Variants in ABR observed in about 807,000 individuals in gnomAD.
The protein encoded by ABR is ABR activator of RhoGEF and GTPase.
ABR carries 35 observed loss-of-function variants against 107.2 expected under a neutral mutation model. That is an observed-to-expected ratio of 0.33 (90% CI 0.25 to 0.43). The LOEUF is 0.43. Ranked by LOEUF, ABR falls within the 20% of genes least tolerant of loss-of-function variation. The pLI is 1.00. For synonymous variants in ABR, 498 were observed against 462.0 expected (o/e 1.08, Z -1.00); for missense variants, 815 against 1,115.2 (o/e 0.73, Z 3.83).
At chr17:1,030,314 G>A (rs531330772) in intron 16 of ABR, among the ~76,000 whole-genome samples, 9 of 152,350 alleles carry the variant, frequency 5.9e-5, no homozygotes, top group Admixed American at 2.0e-4. Flanking sequence ...CGCTGGACCC[G>A]GAACCTGCCA....
Position 1,150,887 on chromosome 17 carries a change from C to T in ABR, c.62-25520G>A, listed in dbSNP as rs1458201274. On this transcript the variant is annotated intron_variant, in intron 1 of 22. Transcript: ENST00000302538. This position sits in a 1 kb window ranked among gnomAD's most constrained non-coding sequence, Gnocchi z 4.8. ...CCTCCCTTGCTGAGCTACTGGTGCG[C>T]GTATGTGTGCATATATATACACATG... 2.6e-5 allele frequency among the ~76,000 whole-genome samples: 4 copies of T among 152,120 alleles called. No homozygotes were observed. Among genetic ancestry groups the T allele is most frequent in the Admixed American group, 2.0e-4 (3 of 15,268 alleles).
chr17:1,146,810 C>G (rs1597969609), intron 1 of ABR, among the ~76,000 whole-genome samples: 1 of 110,088 alleles, frequency 9.1e-6, no homozygotes, highest in African/African-American at 2.9e-5. Context: ...CCACTGCCAC[C>G]AGGCCACCAC....
intron 1 of ABR, among the ~76,000 whole-genome samples, chr17:1,215,023 C>A (rs1439588822): frequency 6.6e-6 from 1 of 151,902 alleles, no homozygotes; most frequent in Admixed American, 6.6e-5. Flanking sequence ...TGTTTAAGAC[C>A]ACCCTGGGCA....
intron 2 of ABR, among the ~76,000 whole-genome samples, chr17:1,102,338 G>A (rs965888174): frequency 1.3e-5 from 2 of 152,184 alleles, no homozygotes; most frequent in African/African-American, 4.8e-5. Flanking sequence ...GGACTGCTTG[G>A]AAGATGCTAC....
At chr17:1,054,089 T>C (rs2260787) in intron 14 of ABR, among the ~76,000 whole-genome samples, 15,718 of 152,170 alleles carry the variant, frequency 0.1, 926 homozygotes, top group South Asian at 0.2. Flanking sequence ...ACTGTGTGAC[T>C]CCAGGAAGGA....
At chr17:1,151,065 C>T (rs1465416124) in intron 1 of ABR, among the ~76,000 whole-genome samples, 1 of 152,194 alleles carries the variant, frequency 6.6e-6, no homozygotes, top group East Asian at 1.9e-4. Context: ...CCACCCCTTA[C>T]CAGCTGTGTG....
chr17:1,138,488 T>C (rs375634351), intron 1 of ABR, among the ~76,000 whole-genome samples: 84 of 152,052 alleles, frequency 5.5e-4, no homozygotes, highest in African/African-American at 1.9e-3. Flanking sequence ...TGTTTTTTGT[T>C]TTTTTTAGAG....
intron 10 of ABR, among the ~76,000 whole-genome samples, chr17:1,062,523 C>A (rs2034119635): frequency 8.0e-6 from 1 of 125,344 alleles, no homozygotes; most frequent in Non-Finnish European, 1.7e-5. Flanking sequence ...TATGCATGTT[C>A]CTCTAGACAC....
intron 3 of ABR, among the ~76,000 whole-genome samples, chr17:1,098,206 G>A (rs1317654085): frequency 6.6e-6 from 1 of 151,952 alleles, no homozygotes; most frequent in Non-Finnish European, 1.5e-5. Context: ...CCGAGTGGCT[G>A]GGACTACAGG....
intron 16 of ABR, among the ~76,000 whole-genome samples, chr17:1,031,362 C>A (rs1009227002): frequency 1.3e-5 from 2 of 152,218 alleles, no homozygotes; most frequent in Non-Finnish European, 2.9e-5. Context: ...AGAAACCTCC[C>A]TTCTCCCGAG....
chr17:1,095,068 A>G (rs1179599495), intron 3 of ABR, among the ~76,000 whole-genome samples: 1 of 152,160 alleles, frequency 6.6e-6, no homozygotes, highest in Non-Finnish European at 1.5e-5. Context: ...CAGAGTCGCC[A>G]CAGAATCCCC....
chr17:1,212,355 C>T (rs969227618), intron 1 of ABR, among the ~76,000 whole-genome samples: 2 of 151,986 alleles, frequency 1.3e-5, no homozygotes, highest in Non-Finnish European at 2.9e-5. Flanking sequence ...CGCTTGAGCA[C>T]AGGAGTTTGA....
chr17:1,103,958 G>A (rs888171618), intron 2 of ABR, among the ~76,000 whole-genome samples: 1 of 152,130 alleles, frequency 6.6e-6, no homozygotes, highest in Admixed American at 6.6e-5. Context: ...AGTCTTTGCA[G>A]GGCGTCTCTT....
chr17:1,076,278 T>C (rs759330367), intron 6 of ABR, among the ~76,000 whole-genome samples: 13 of 152,148 alleles, frequency 8.5e-5, no homozygotes, highest in Admixed American at 7.9e-4. Context: ...ACCCTCCCCA[T>C]GGGCCATGGA....
chr17:1,208,155 T>C lies in ABR; in HGVS notation c.838+20638A>G, dbSNP rs536239899. ...TGAGGGTGTAGCAGACCCATTGAGTTATGAGTGTTTATAAAAGAGAAGTTG... is the reference window on the plus strand; with the variant it reads ...TGAGGGTGTAGCAGACCCATTGAGTCATGAGTGTTTATAAAAGAGAAGTTG... On this transcript the variant is annotated intron_variant, in intron 1 of 22. Transcript: ENST00000574139. Among the ~76,000 whole-genome samples, 8 of 152,138 alleles carry C rather than the reference T, an allele frequency of 5.3e-5. No individual in the cohort carries two copies. In the South Asian group the frequency reaches 1.7e-3, roughly 32 times the overall value.
At chr17:1,128,283 C>T (rs1278363231) in intron 1 of ABR, among the ~76,000 whole-genome samples, 1 of 152,244 alleles carries the variant, frequency 6.6e-6, no homozygotes, top group East Asian at 1.9e-4. Flanking sequence ...TGGGGACCTA[C>T]TGAGCACAGG....
At chr17:1,163,424 G>A (rs1479810705) in intron 1 of ABR, among the ~76,000 whole-genome samples, 1 of 152,264 alleles carries the variant, frequency 6.6e-6, no homozygotes, top group Non-Finnish European at 1.5e-5. Flanking sequence ...GTCACAAGAT[G>A]AGCAAGACGC....
chr17:1,073,787 C>A, intron 6 of ABR, 110 bp from the exon 7 acceptor site: 2 of 970,438 alleles, frequency 2.1e-6, no homozygotes, highest in Non-Finnish European at 3.0e-6. Flanking sequence ...GTGAACACCC[C>A]TCGAGGGACA....
intron 1 of ABR, among the ~76,000 whole-genome samples, chr17:1,219,797 A>G (rs2043083609): frequency 6.7e-6 from 1 of 149,490 alleles, no homozygotes; most frequent in African/African-American, 2.5e-5. Context: ...TGAGGAAAGA[A>G]TAACCCCACC....
Sources: allele counts gnomAD v4.1 joint callset (sites outside exome capture counted in the v4.1 genomes callset), GRCh38; gene constraint gnomAD v4.1.1; non-coding constraint Gnocchi (gnomAD v3.1); transcripts MANE v1.5; gene names NCBI Gene and HGNC (gene_info 2026-07-23, HGNC 2026-07-21).